DOCK3: variants seen among roughly 807,000 people sequenced by gnomAD.
DOCK3 encodes the protein dedicator of cytokinesis protein 3.
A neutral mutation model predicts 265.6 loss-of-function variants in DOCK3; 60 were observed. The ratio of observed to expected loss-of-function variants is 0.23; its 90% confidence interval spans 0.18 to 0.28. The LOEUF (loss-of-function observed/expected upper bound fraction) is 0.28, where lower values mean the gene tolerates loss of function less well. Among genes scored for constraint, DOCK3 ranks in the 10% least tolerant of loss-of-function variants. DOCK3 has a pLI of 1.00. For missense variants in DOCK3, 1,981 were observed against 2,594.3 expected, an observed-to-expected ratio of 0.76 and a Z score of 5.14; for synonymous variants, 881 against 938.0, an observed-to-expected ratio of 0.94 and a Z score of 1.11.
intron 5 of DOCK3, among the ~76,000 whole-genome samples, chr3:51,016,569 A>G (rs1316199842): frequency 2.2e-5 from 2 of 91,658 alleles, no homozygotes; most frequent in Non-Finnish European, 1.9e-5. Flanking sequence ...TATATTATAT[A>G]TATATTTATA....
intron 1 of DOCK3, among the ~76,000 whole-genome samples, chr3:50,755,077 T>C (rs1193848353): frequency 1.3e-5 from 2 of 152,164 alleles, no homozygotes; most frequent in Non-Finnish European, 2.9e-5. Flanking sequence ...TTCAGAAAAA[T>C]TTGAGTTTAA....
chr3:51,151,348 C>G (rs965691428), intron 10 of DOCK3, among the ~76,000 whole-genome samples: 2 of 151,906 alleles, frequency 1.3e-5, no homozygotes, highest in Non-Finnish European at 2.9e-5. Context: ...CCTGAGGGAC[C>G]TGACTGTTAA....
At position 51,236,369 on chromosome 3, in the gene DOCK3, C is replaced by T. The variant is rs1271124520; in HGVS notation, c.1942C>T (p.Leu648Phe). ...VKFLQDILDT[L>F]FVILDDNTEK... ...GTTTCTGCAGGACATCTTAGATACA[C>T]TCTTTGTGATTTTGGATGATAATAC... Residue 648 changes from leucine to phenylalanine, a missense_variant, in exon 20 of 53, where the codon CTC becomes TTC. By Grantham distance (22) the Leu-to-Phe change is conservative. Transcript: ENST00000266037. The T allele has an allele frequency of 5.0e-6, 8 of 1,613,554 alleles. No homozygotes were observed. The African/African-American group carries it at 9.3e-5, about 19-fold the overall frequency.
chr3:50,888,185 C>CA (rs1369180772), intron 3 of DOCK3, among the ~76,000 whole-genome samples: 1 of 152,010 alleles, frequency 6.6e-6, no homozygotes, highest in Non-Finnish European at 1.5e-5. Flanking sequence ...AATCAATGTA[C>CA]AAAAATCACA....
At chr3:50,847,594 C>G (rs996828090) in intron 3 of DOCK3, among the ~76,000 whole-genome samples, 2 of 151,992 alleles carry the variant, frequency 1.3e-5, no homozygotes, top group African/African-American at 4.8e-5. Flanking sequence ...ATTGAAATCC[C>G]CCACTATGGC....
At chr3:50,718,945 G>A (rs1248145332) in intron 1 of DOCK3, among the ~76,000 whole-genome samples, 3 of 151,612 alleles carry the variant, frequency 2.0e-5, no homozygotes, top group African/African-American at 7.3e-5. Flanking sequence ...CACCATGCCC[G>A]GCTAATTTTT....
intron 22 of DOCK3, among the ~76,000 whole-genome samples, chr3:51,250,602 G>A (rs1202046748): frequency 6.6e-6 from 1 of 152,180 alleles, no homozygotes; most frequent in African/African-American, 2.4e-5. Context: ...CTGGGTGACA[G>A]AGCAAAACTC....
At chr3:51,285,702 A>T (rs1227402781) in intron 27 of DOCK3, among the ~76,000 whole-genome samples, 2 of 152,220 alleles carry the variant, frequency 1.3e-5, no homozygotes, top group East Asian at 1.9e-4. Flanking sequence ...TGGGAGGCCA[A>T]GGTGGGCAGA....
At chr3:51,214,898 G>A (rs866121054) in intron 14 of DOCK3, among the ~76,000 whole-genome samples, 2 of 152,132 alleles carry the variant, frequency 1.3e-5, no homozygotes, top group Non-Finnish European at 2.9e-5. Context: ...TTCTAATTAG[G>A]CAGACATGGG....
intron 6 of DOCK3, among the ~76,000 whole-genome samples, chr3:51,066,613 G>A (rs1169803625): frequency 1.3e-5 from 2 of 152,106 alleles, no homozygotes; most frequent in African/African-American, 4.8e-5. Context: ...AGGTATTCAG[G>A]GATGCACGAA....
chr3:51,084,932 A>G (rs7611873), intron 7 of DOCK3, among the ~76,000 whole-genome samples: 137,182 of 152,230 alleles, frequency 0.9, 62,008 homozygotes, highest in African/African-American at 0.95. Flanking sequence ...TTCTCTACAA[A>G]AAACTCAGTT....
In DOCK3 at chr3:51,225,786, A is replaced by C. The variant is rs1235327990; in HGVS notation, c.1377+13A>C. ...AGAAATCTTGAAGGTAAGGCTTGCC[A>C]GTCAGTCATTTGGGTTGGAGGATAA... On this transcript the variant is annotated intron_variant, in intron 15 of 52. Coordinates refer to ENST00000266037, the MANE Select transcript of DOCK3 (RefSeq NM_004947.5). 1 of 1,607,814 alleles carries C rather than the reference A, an allele frequency of 6.2e-7. No homozygotes were observed. The highest frequency in any genetic ancestry group is 8.5e-7 in the Non-Finnish European group (1 of 1,176,894).
chr3:51,185,645 T>G (rs893726358), intron 12 of DOCK3, among the ~76,000 whole-genome samples: 9 of 152,182 alleles, frequency 5.9e-5, no homozygotes, highest in Non-Finnish European at 1.0e-4. Flanking sequence ...AATCTCATCT[T>G]GTAGCTCCCA....
chr3:50,970,935 AT>A (rs1559878665), intron 5 of DOCK3, among the ~76,000 whole-genome samples: 80 of 73,092 alleles, frequency 1.1e-3, no homozygotes, highest in African/African-American at 3.3e-3. Flanking sequence ...ATATATATAT[AT>A]ATATATATAT....
At chr3:50,957,888 A>C (rs2076771183) in intron 5 of DOCK3, among the ~76,000 whole-genome samples, 1 of 152,118 alleles carries the variant, frequency 6.6e-6, no homozygotes, top group Non-Finnish European at 1.5e-5. Flanking sequence ...CTAAAGCCAA[A>C]ATTTCCACTC....
intron 4 of DOCK3, among the ~76,000 whole-genome samples, chr3:50,921,655 T>C (rs911968333): frequency 1.3e-5 from 2 of 152,150 alleles, no homozygotes; most frequent in Non-Finnish European, 2.9e-5. Context: ...ATTTTCAGCT[T>C]TTCTGCTCTG....
chr3:50,739,072 G>C (rs1208586390), intron 1 of DOCK3, among the ~76,000 whole-genome samples: 3 of 151,856 alleles, frequency 2.0e-5, no homozygotes, highest in African/African-American at 7.3e-5. Context: ...TTTTGGGGGG[G>C]GGTTATTTAG....
At chr3:51,369,033 T>C (rs1485942296) in intron 49 of DOCK3, among the ~76,000 whole-genome samples, 3 of 152,146 alleles carry the variant, frequency 2.0e-5, no homozygotes, top group Admixed American at 6.5e-5. Context: ...AAAAACCCCA[T>C]CTGTACGTCA....
intron 4 of DOCK3, chr3:50,901,661 A>G (rs2049203792): frequency 2.2e-6 from 1 of 453,976 alleles, no homozygotes; most frequent in Admixed American, 2.4e-5. Flanking sequence ...AAGCATAGTA[A>G]CTGGGCTGGA....
Sources: allele counts gnomAD v4.1 joint callset (sites outside exome capture counted in the v4.1 genomes callset), GRCh38; gene constraint gnomAD v4.1.1; transcripts MANE v1.5; gene names NCBI Gene and HGNC (gene_info 2026-07-23, HGNC 2026-07-21).